The following LRP1B variants were observed in gnomAD, a reference collection of about 807,000 sequenced individuals.
LRP1B encodes the protein low-density lipoprotein receptor-related protein 1B.
Under a neutral mutation model 556.6 loss-of-function variants are expected in LRP1B, and 217 were observed. The observed-to-expected ratio is 0.39, with a 90% CI of 0.35 to 0.44. The LOEUF (loss-of-function observed/expected upper bound fraction) is 0.44, where lower values mean the gene tolerates loss of function less well. LRP1B is among the 20% of genes least tolerant of loss of function. The probability of loss-of-function intolerance (pLI) is 1.00; values close to 1 mark genes in which losing one functional copy is unlikely to be tolerated. For synonymous variants in LRP1B, 2,047 were observed against 1,865.8 expected (o/e 1.10, Z -2.50); for missense variants, 5,053 against 5,620.8 (o/e 0.90, Z 3.23).
chr2:141,631,569 A>C (rs1688910809), intron 2 of LRP1B, among the ~76,000 whole-genome samples: 1 of 149,714 alleles, frequency 6.7e-6, no homozygotes, highest in Admixed American at 6.7e-5. Flanking sequence ...GGGGAAATTC[A>C]CAGCAATCAA....
At chr2:142,117,601 GTGTGTGTGTGTGTT>G (rs367933086) in intron 1 of LRP1B, among the ~76,000 whole-genome samples, 3,898 of 151,726 alleles carry the variant, frequency 0.026, 159 homozygotes, top group African/African-American at 0.089. Flanking sequence ...ATTTTTATTT[GTGTGTGTGTGTGTT>G]TGTGTGTGTG....
intron 3 of LRP1B, among the ~76,000 whole-genome samples, chr2:141,391,860 A>G (rs1319644173): frequency 6.6e-6 from 1 of 152,234 alleles, no homozygotes; most frequent in East Asian, 1.9e-4. Context: ...TGATTATTCT[A>G]GAGGCTGGTA....
rs201725778 is a variant in LRP1B at position 141,441,519 on chromosome 2, A to AT, written c.343+38876dup. On this transcript the variant is annotated intron_variant, in intron 3 of 90. Transcript: ENST00000389484. The stretch of plus-strand genomic sequence containing the variant: ...TCAGAGTCCTAATTTTATTAAAACT[A>AT]TTTTTTTGTTTTATACTTTAAGAGA... Among the ~76,000 whole-genome samples, 726 of 152,252 alleles carry AT rather than the reference A, an allele frequency of 4.8e-3. 5 individuals are homozygous for AT. Among genetic ancestry groups the AT allele is most frequent in the African/African-American group, 0.017 (700 of 41,546 alleles).
At chr2:141,548,939 G>T (rs10200635) in intron 2 of LRP1B, among the ~76,000 whole-genome samples, 11,641 of 151,766 alleles carry the variant, frequency 0.077, 531 homozygotes, top group South Asian at 0.11. Context: ...CTTTTTAAAC[G>T]TTGCTGGTTA....
intron 1 of LRP1B, among the ~76,000 whole-genome samples, chr2:141,965,753 AAATAAT>A (rs4008437): frequency 2.1e-5 from 3 of 141,792 alleles, no homozygotes; most frequent in Non-Finnish European, 4.6e-5. Context: ...GAATTAAAAA[AAATAAT>A]AATAATAGTA....
At chr2:142,026,241 TA>T (rs1413927559) in intron 1 of LRP1B, among the ~76,000 whole-genome samples, 1 of 152,128 alleles carries the variant, frequency 6.6e-6, no homozygotes, top group African/African-American at 2.4e-5. Flanking sequence ...ATTTTTAACT[TA>T]AAGAACACAT....
At chr2:141,204,003 A>G (rs1203883211) in intron 6 of LRP1B, among the ~76,000 whole-genome samples, 1 of 152,228 alleles carries the variant, frequency 6.6e-6, no homozygotes, top group African/African-American at 2.4e-5. Context: ...TACACAATGT[A>G]CCAGAATCTC....
At chr2:140,552,845 A>C (rs1680594573) in intron 43 of LRP1B, among the ~76,000 whole-genome samples, 1 of 152,140 alleles carries the variant, frequency 6.6e-6, no homozygotes, top group African/African-American at 2.4e-5. Context: ...GTCATAGATA[A>C]ACTATGTCTA....
At chr2:140,962,192 A>C (rs985091356) in intron 18 of LRP1B, among the ~76,000 whole-genome samples, 2 of 152,208 alleles carry the variant, frequency 1.3e-5, no homozygotes, top group African/African-American at 4.8e-5. Flanking sequence ...GAAAAGTATA[A>C]ATTATTCACT....
At chr2:141,858,202 T>G (rs529388489) in intron 1 of LRP1B, among the ~76,000 whole-genome samples, 23 of 152,318 alleles carry the variant, frequency 1.5e-4, no homozygotes, top group Non-Finnish European at 2.6e-4. Context: ...TTCTTTTGGG[T>G]AGCTTTTACT....
intron 6 of LRP1B, among the ~76,000 whole-genome samples, chr2:141,226,823 G>A (rs1043141765): frequency 7.2e-5 from 11 of 152,082 alleles, no homozygotes; most frequent in Non-Finnish European, 1.6e-4. Flanking sequence ...TACAAGCAAT[G>A]ACAGAGAAGC....
intron 1 of LRP1B, among the ~76,000 whole-genome samples, chr2:142,031,382 T>A (rs893728233): frequency 7.2e-6 from 1 of 138,880 alleles, no homozygotes; most frequent in Non-Finnish European, 1.6e-5. Context: ...CATGTGCACA[T>A]TGTGCAGGTT....
chr2:140,314,213 G>A (rs1165682530), intron 83 of LRP1B, among the ~76,000 whole-genome samples: 2 of 151,966 alleles, frequency 1.3e-5, no homozygotes. Flanking sequence ...CACTATAATA[G>A]TTGCATAATA....
intron 86 of LRP1B, among the ~76,000 whole-genome samples, chr2:140,252,067 A>AAAAAAAAAAAAAAAAAAAAAAC (rs2104908585): frequency 1.7e-5 from 2 of 115,934 alleles, no homozygotes; most frequent in Non-Finnish European, 1.8e-5. Flanking sequence ...AGATGCAAAA[A>AAAAAAAAAAAAAAAAAAAAAAC]AAAAAAAAAA....
intron 66 of LRP1B, among the ~76,000 whole-genome samples, chr2:140,409,297 A>G (rs906030113): frequency 1.3e-5 from 2 of 151,964 alleles, no homozygotes; most frequent in African/African-American, 4.8e-5. Flanking sequence ...ATCTACTGAT[A>G]AAGTATGTGA....
At chr2:140,934,720 C>A (rs1382028783) in intron 20 of LRP1B, among the ~76,000 whole-genome samples, 10 of 152,076 alleles carry the variant, frequency 6.6e-5, no homozygotes, top group Admixed American at 6.6e-4. Context: ...TTGTCACTGA[C>A]CGCAAAGGTG....
chr2:141,933,622 C>T (rs1332453348), intron 1 of LRP1B, among the ~76,000 whole-genome samples: 1 of 152,160 alleles, frequency 6.6e-6, no homozygotes, highest in African/African-American at 2.4e-5. Context: ...TTCATAATCA[C>T]TAGCCTGCTC....
chr2:140,640,541 G>A (rs1222198026), intron 41 of LRP1B, among the ~76,000 whole-genome samples: 3 of 150,068 alleles, frequency 2.0e-5, no homozygotes, highest in African/African-American at 4.9e-5. Context: ...GACTACAGGC[G>A]CCCGCCACCA....
chr2:141,575,484 A>G (rs1254257882), intron 2 of LRP1B, among the ~76,000 whole-genome samples: 1 of 152,220 alleles, frequency 6.6e-6, no homozygotes, highest in East Asian at 1.9e-4. Context: ...GTAAAACCCC[A>G]AACCATAAAA....
Sources: allele counts gnomAD v4.1 joint callset (sites outside exome capture counted in the v4.1 genomes callset), GRCh38; gene constraint gnomAD v4.1.1; transcripts MANE v1.5; gene names NCBI Gene and HGNC (gene_info 2026-07-23, HGNC 2026-07-21).